The following EML1 variants were observed in gnomAD, a reference collection of about 807,000 sequenced individuals.
EML1 encodes EMAP like 1.
In EML1, 27 loss-of-function variants were observed where a neutral mutation model predicts 110.4. That is an observed-to-expected ratio of 0.24 (90% confidence interval 0.18 to 0.34). EML1 has a LOEUF of 0.34. EML1 is among the 10% of genes least tolerant of loss of function. The pLI is 1.00. For missense variants in EML1, 741 were observed against 1,030.9 expected, an observed-to-expected ratio of 0.72 and a Z score of 3.85; for synonymous variants, 344 against 385.8, an observed-to-expected ratio of 0.89 and a Z score of 1.27.
chr14:99,756,928 C>G (rs896708021), intron 1 of EML1, among the ~76,000 whole-genome samples: 3 of 152,232 alleles, frequency 2.0e-5, no homozygotes, highest in Non-Finnish European at 4.4e-5. Flanking sequence ...GACTCACATC[C>G]ACAAGGATGC....
chr14:99,795,809 A>G (rs1436276351), intron 1 of EML1, among the ~76,000 whole-genome samples: 1 of 152,226 alleles, frequency 6.6e-6, no homozygotes, highest in Non-Finnish European at 1.5e-5. Flanking sequence ...TATGTTCAGT[A>G]TGCGTCATGC....
intron 4 of EML1, among the ~76,000 whole-genome samples, chr14:99,887,719 A>G (rs907826165): frequency 1.3e-5 from 2 of 152,224 alleles, no homozygotes; most frequent in Non-Finnish European, 2.9e-5. Flanking sequence ...GTTTCAAAAT[A>G]GTGCTGGGTC....
At chr14:99,826,386 T>C (rs1280236363) in intron 1 of EML1, among the ~76,000 whole-genome samples, 2 of 152,162 alleles carry the variant, frequency 1.3e-5, no homozygotes, top group African/African-American at 4.8e-5. Context: ...GTGCTGGGAT[T>C]ACAGGCGTGA....
chr14:99,855,919 G>C (rs2139847551), intron 2 of EML1, among the ~76,000 whole-genome samples: 1 of 152,288 alleles, frequency 6.6e-6, no homozygotes, highest in South Asian at 2.1e-4. Context: ...TGCAACCACT[G>C]TCAAAAGCCA....
intron 1 of EML1, among the ~76,000 whole-genome samples, chr14:99,823,298 C>T (rs2058295336): frequency 6.6e-6 from 1 of 152,026 alleles, no homozygotes; most frequent in Admixed American, 6.6e-5. Flanking sequence ...ATCTGCCCTG[C>T]ACGTGGGTGG....
At chr14:99,919,410 A>T (rs1267730174) in intron 16 of EML1, among the ~76,000 whole-genome samples, 1 of 94,094 alleles carries the variant, frequency 1.1e-5, no homozygotes, top group Non-Finnish European at 2.4e-5. Flanking sequence ...ACACACACAC[A>T]TACGCATGCA....
intron 4 of EML1, among the ~76,000 whole-genome samples, chr14:99,882,259 T>C (rs1014794832): frequency 6.6e-6 from 1 of 152,224 alleles, no homozygotes; most frequent in African/African-American, 2.4e-5. Context: ...AGTGAACTAA[T>C]CTGATGGAGA....
At chr14:99,915,068 A>G (rs993923908) in intron 15 of EML1, 12 of 274,620 alleles carry the variant, frequency 4.4e-5, no homozygotes, top group Non-Finnish European at 6.8e-5. Flanking sequence ...TGTACTAAAC[A>G]CACGATTGAA....
At chr14:99,859,417 T>C (rs963375244) in intron 2 of EML1, among the ~76,000 whole-genome samples, 1 of 152,184 alleles carries the variant, frequency 6.6e-6, no homozygotes, top group Admixed American at 6.5e-5. Context: ...GGCCAACTCA[T>C]TGGGAAACTC....
At chr14:99,892,219 A>G in intron 5 of EML1, 1 of 985,238 alleles carries the variant, frequency 1.0e-6, no homozygotes, top group South Asian at 4.7e-5. Context: ...CTGAAACCTC[A>G]TAGCTCTCTG....
chr14:99,804,967 T>G (rs2057945089), intron 1 of EML1, among the ~76,000 whole-genome samples: 1 of 152,170 alleles, frequency 6.6e-6, no homozygotes, highest in African/African-American at 2.4e-5. Context: ...TTCTGGTAGC[T>G]TCTGAAGGTG....
In EML1 at chr14:99,941,382, T is replaced by A. The variant is rs2060586312; in HGVS notation, c.*1270T>A. The A allele has an allele frequency of 1.3e-5, 2 of 152,214 alleles. No homozygotes were observed. Among genetic ancestry groups the A allele is most frequent in the Non-Finnish European group, 2.9e-5 (2 of 68,048 alleles). The allele number at this position is 152,214 out of a possible 1,614,324, so 9.4% of individuals were successfully genotyped here. A position where few individuals can be genotyped will look rare whatever the true frequency, so the allele number is the denominator to read the frequency against. On this transcript the variant is annotated 3_prime_UTR_variant, in exon 22 of 22. Transcript: ENST00000262233. The stretch of plus-strand genomic sequence containing the variant: ...TATGGCACTGGTTGTTTAGAGTGAC[T>A]GATGAAGTGCAACTTTCAAAAACAT...
intron 1 of EML1, among the ~76,000 whole-genome samples, chr14:99,810,337 A>T (rs1003811304): frequency 6.6e-6 from 1 of 152,338 alleles, no homozygotes; most frequent in Admixed American, 6.5e-5. Flanking sequence ...TGTATCTGCC[A>T]TAAGAAGACC....
intron 1 of EML1, among the ~76,000 whole-genome samples, chr14:99,815,408 C>G (rs866369661): frequency 1.2e-4 from 18 of 151,968 alleles, no homozygotes; most frequent in African/African-American, 4.4e-4. Flanking sequence ...CCCAAAGTGC[C>G]AAGATTACAG....
intron 2 of EML1, among the ~76,000 whole-genome samples, 178 bp downstream of exon 2, chr14:99,851,213 T>A (rs2058793268): frequency 6.6e-6 from 1 of 152,162 alleles, no homozygotes; most frequent in Non-Finnish European, 1.5e-5. Flanking sequence ...TGGGGCTTGA[T>A]GTTGGTGAAT....
intron 1 of EML1, among the ~76,000 whole-genome samples, chr14:99,824,765 TC>T (rs150031716): frequency 6.6e-6 from 1 of 151,878 alleles, no homozygotes; most frequent in Admixed American, 6.6e-5. Context: ...TTTTCAATCC[TC>T]CCCCCTCCTA....
intron 1 of EML1, among the ~76,000 whole-genome samples, chr14:99,837,657 CT>C (rs1394847638): frequency 6.6e-6 from 1 of 152,198 alleles, no homozygotes; most frequent in Non-Finnish European, 1.5e-5. Context: ...ATTTTAGTAT[CT>C]TCCATAGCCG....
At chr14:99,881,842 G>A (rs1325269360) in intron 4 of EML1, among the ~76,000 whole-genome samples, 5 of 152,088 alleles carry the variant, frequency 3.3e-5, no homozygotes, top group African/African-American at 9.6e-5. Context: ...CTTGTGATCC[G>A]CCCACCTCGG....
At position 99,778,527 on chromosome 14, in the gene EML1, C is replaced by T. The variant is rs565874688; in HGVS notation, c.-27+4514C>T. 1.4e-4 allele frequency among the ~76,000 whole-genome samples: 22 copies of T among 152,266 alleles called. No individual in the cohort carries two copies. In the South Asian group the frequency reaches 4.6e-3, roughly 32 times the overall value. ...TGCCTGTTAGCATGATTGTTACTGT[C>T]CATCCACTTCCTGCAGATTCCTTTT... On this transcript the variant is annotated intron_variant, in intron 1 of 22. Transcript: ENST00000327921.
Sources: gnomAD v4.1 joint callset for allele counts (sites outside exome capture counted in the v4.1 genomes callset) on GRCh38, gnomAD v4.1.1 for gene constraint, MANE v1.5 for transcripts, NCBI Gene and HGNC (gene_info 2026-07-23, HGNC 2026-07-21) for gene names.